Variants in CEP170 observed in about 807,000 individuals in gnomAD.
CEP170 encodes the protein centrosomal protein 170, also known as centrosomal protein of 170 kDa.
Under a neutral mutation model 151.9 loss-of-function variants are expected in CEP170, and 21 were observed. The observed-to-expected ratio is 0.14, with a 90% CI of 0.10 to 0.20. The LOEUF is 0.20. Among genes scored for constraint, CEP170 ranks in the 10% least tolerant of loss-of-function variants. CEP170 has a pLI of 1.00. For missense variants in CEP170, 964 were observed against 1,892.9 expected, an observed-to-expected ratio of 0.51 and a Z score of 9.11; for synonymous variants, 356 against 648.8, an observed-to-expected ratio of 0.55 and a Z score of 6.86.
chr1:243,131,566 G>A (rs1424053059), intron 17 of CEP170, among the ~76,000 whole-genome samples: 2 of 151,940 alleles, frequency 1.3e-5, no homozygotes, highest in African/African-American at 4.8e-5. Flanking sequence ...AGTCAAACTT[G>A]TCATTTTGGC....
At chr1:243,141,886 A>G (rs2055877290) in intron 15 of CEP170, among the ~76,000 whole-genome samples, 2 of 152,220 alleles carry the variant, frequency 1.3e-5, no homozygotes, top group Non-Finnish European at 2.9e-5. Context: ...TAAAGCAGTG[A>G]AACTGTAGGA....
At chr1:243,186,743 C>G (rs2059962474) in intron 8 of CEP170, among the ~76,000 whole-genome samples, 1 of 152,090 alleles carries the variant, frequency 6.6e-6, no homozygotes. Flanking sequence ...CATCAATAAA[C>G]ATTAATTCTG....
chr1:243,250,071 AAAAAACAAAAAC>A (rs1379872591), intron 1 of CEP170, among the ~76,000 whole-genome samples: 1 of 152,186 alleles, frequency 6.6e-6, no homozygotes. Context: ...CTCCGTCTCA[AAAAAACAAAAAC>A]AAAAACAAAC....
chr1:243,133,683 C>T (rs2148216160), intron 17 of CEP170, among the ~76,000 whole-genome samples: 1 of 152,238 alleles, frequency 6.6e-6, no homozygotes, highest in East Asian at 1.9e-4. Flanking sequence ...TCATTTGTCT[C>T]TGGCCATAGG....
intron 1 of CEP170, among the ~76,000 whole-genome samples, chr1:243,229,867 C>T (rs151218706): frequency 6.6e-6 from 1 of 152,252 alleles, no homozygotes; most frequent in East Asian, 1.9e-4. Context: ...TTTATCAGGT[C>T]AATAGCTGAC....
rs1327957822 is a variant in CEP170 at position 243,238,299 on chromosome 1, A to T, written c.-41-12978T>A. ...ACCCTGTCTCTACAAAAAAATAAAA[A>T]AAATAAATAAATTGCCAGGTGTGGT... On this transcript the variant is annotated intron_variant, in intron 1 of 19. Coordinates refer to ENST00000366542, the MANE Select transcript of CEP170 (RefSeq NM_014812.3). Among the ~76,000 whole-genome samples, 8 of 152,142 alleles carry T rather than the reference A, an allele frequency of 5.3e-5. No individual in the cohort carries two copies. The East Asian group carries it at 1.3e-3, about 26-fold the overall frequency.
intron 1 of CEP170, among the ~76,000 whole-genome samples, chr1:243,239,693 AAAC>A: frequency 6.6e-6 from 1 of 152,288 alleles, no homozygotes; most frequent in Admixed American, 6.5e-5. Context: ...TCCCCCAGAA[AAAC>A]ACCCATAGAA....
intron 17 of CEP170, among the ~76,000 whole-genome samples, chr1:243,130,860 CA>C (rs1234888398): frequency 6.6e-6 from 1 of 151,054 alleles, no homozygotes; most frequent in Non-Finnish European, 1.5e-5. Context: ...TTTCTAAACT[CA>C]AAAAAATGAA....
chr1:243,196,650 A>G (rs1211370603), intron 7 of CEP170, among the ~76,000 whole-genome samples: 3 of 152,220 alleles, frequency 2.0e-5, no homozygotes, highest in South Asian at 4.1e-4. Context: ...GAGTTTGGTG[A>G]TAATTATATT....
At chr1:243,208,402 C>A (rs2061560565) in intron 4 of CEP170, among the ~76,000 whole-genome samples, 1 of 152,094 alleles carries the variant, frequency 6.6e-6, no homozygotes, top group Non-Finnish European at 1.5e-5. Context: ...CAAAGACTAC[C>A]CATTTCACTC....
intron 1 of CEP170, among the ~76,000 whole-genome samples, chr1:243,237,654 C>A (rs2064372760): frequency 6.6e-6 from 1 of 152,174 alleles, no homozygotes; most frequent in Non-Finnish European, 1.5e-5. Flanking sequence ...GTAATCCCAG[C>A]ACTTTGGGAG....
rs1347279010 is a variant in CEP170, at chr1:243,156,351, G to A, written c.3781C>T (p.Pro1261Ser). The A allele has an allele frequency of 6.3e-7, 1 of 1,584,144 alleles. No individual in the cohort carries two copies. Among genetic ancestry groups the A allele is most frequent in the Non-Finnish European group, 8.6e-7 (1 of 1,165,082 alleles). Residue 1261 changes from proline to serine, a missense_variant, in exon 14 of 20, where the codon CCA (proline) becomes TCA (serine). Coordinates refer to ENST00000366542, the MANE Select transcript of CEP170 (RefSeq NM_014812.3). The stretch of plus-strand genomic sequence containing the variant: ...TGCAAGCGAGTGGTTTTCAGGGCTG[G>A]AGAAGTACGTAGACGGGTATGTTTA... ...SPKHTRLRTS[P>S]ALKTTRLQSA...
chr1:243,161,814 G>A (rs573013820), intron 13 of CEP170, among the ~76,000 whole-genome samples: 25 of 152,172 alleles, frequency 1.6e-4, no homozygotes, highest in South Asian at 1.0e-3. Flanking sequence ...TTTAAATCAT[G>A]TTTCAAAAGT....
chr1:243,244,151 A>C (rs2065130818), intron 1 of CEP170, among the ~76,000 whole-genome samples: 1 of 152,228 alleles, frequency 6.6e-6, no homozygotes, highest in Admixed American at 6.5e-5. Flanking sequence ...ATGCATCAAA[A>C]TACAAGATAT....
At chr1:243,218,756 C>A (rs2062535567) in intron 3 of CEP170, among the ~76,000 whole-genome samples, 1 of 152,178 alleles carries the variant, frequency 6.6e-6, no homozygotes, top group African/African-American at 2.4e-5. Context: ...TTACTATGTA[C>A]TGTTGTTTAA....
At chr1:243,204,847 C>T (rs2061306592) in intron 4 of CEP170, among the ~76,000 whole-genome samples, 1 of 151,962 alleles carries the variant, frequency 6.6e-6, no homozygotes, top group Non-Finnish European at 1.5e-5. Flanking sequence ...TCAACATGCC[C>T]CAAATCAACT....
At chr1:243,205,289 C>G (rs1572268566) in intron 4 of CEP170, among the ~76,000 whole-genome samples, 1 of 152,166 alleles carries the variant, frequency 6.6e-6, no homozygotes, top group East Asian at 1.9e-4. Context: ...TACCTACTCT[C>G]AACAGCTAGA....
chr1:243,209,650 C>A (rs374113797), intron 4 of CEP170, among the ~76,000 whole-genome samples: 1 of 151,174 alleles, frequency 6.6e-6, no homozygotes, highest in African/African-American at 2.4e-5. Flanking sequence ...TTTAAAATTA[C>A]GTATATAATA....
At chr1:243,178,246 A>G (rs1179882640) in intron 10 of CEP170, among the ~76,000 whole-genome samples, 1 of 145,970 alleles carries the variant, frequency 6.9e-6, no homozygotes, top group East Asian at 2.2e-4. Flanking sequence ...GGAGAATCGC[A>G]TAACGTGAGC....
Sources: gnomAD v4.1 joint callset for allele counts (sites outside exome capture counted in the v4.1 genomes callset) on GRCh38, gnomAD v4.1.1 for gene constraint, MANE v1.5 for transcripts, NCBI Gene and HGNC (gene_info 2026-07-23, HGNC 2026-07-21) for gene names.